Variants in MED1 observed in about 807,000 individuals in gnomAD.
MED1 encodes the protein mediator of RNA polymerase II transcription subunit 1.
In MED1, 17 loss-of-function variants were observed where a neutral mutation model predicts 121.3. The ratio of observed to expected loss-of-function variants is 0.14; its 90% CI spans 0.10 to 0.21. MED1 has a LOEUF of 0.21. Ranked by LOEUF, MED1 falls within the 10% of genes least tolerant of loss-of-function variation. The pLI is 1.00. For missense variants in MED1, 1,558 were observed against 1,919.4 expected (o/e 0.81, Z 3.52); for synonymous variants, 661 against 694.4 (o/e 0.95, Z 0.76).
chr17:39,410,347 G>A lies in MED1; in HGVS notation c.1874C>T (p.Pro625Leu). ...GSTIGSSPTP[P>L]HHTPPPVSSM... is the part of the protein sequence containing the mutation. ...AGAGACAGGTGGCGGCGTGTGATGAGGAGGGGTCGGACTCGAGCCAATGGT... is the reference window on the plus strand; with the variant it reads ...AGAGACAGGTGGCGGCGTGTGATGAAGAGGGGTCGGACTCGAGCCAATGGT... Residue 625 changes from proline to leucine, a missense_variant, in exon 17 of 17, where the codon CCT becomes CTT. Coordinates refer to ENST00000300651, the MANE Select transcript of MED1 (RefSeq NM_004774.4). 1 of 1,614,012 alleles carries A rather than the reference G, an allele frequency of 6.2e-7. No homozygotes were observed. Among genetic ancestry groups the A allele is most frequent in the Non-Finnish European group, 8.5e-7 (1 of 1,180,018 alleles).
intron 9 of MED1, among the ~76,000 whole-genome samples, chr17:39,429,125 T>C (rs2048541556): frequency 6.6e-6 from 1 of 150,486 alleles, no homozygotes; most frequent in Non-Finnish European, 1.5e-5. Flanking sequence ...TTCAAGTCTA[T>C]AGTGAGTTAT....
At chr17:39,431,284 T>G (rs1006278084) in intron 8 of MED1, 96 bp from the exon 9 acceptor site, 6 of 919,744 alleles carry the variant, frequency 6.5e-6, no homozygotes, top group African/African-American at 5.1e-5. Context: ...GTCTTGTCTT[T>G]TTTTTTTTTT....
In MED1 at chr17:39,409,764, G is replaced by A; in HGVS notation, c.2457C>T (p.Thr819=). Residue 819 remains threonine, a synonymous_variant, in exon 17 of 17, where the codon ACC becomes ACT. Transcript: ENST00000300651. ...DSSSSGHSQS[T]LFDSDVFQTN... ...TTTGAAAGACATCAGAGTCAAACAG[G>A]GTACTCTGAGAATGCCCAGAGCTTG... 6.2e-7 allele frequency: 1 copy of A among 1,614,016 alleles called. No homozygotes were observed. The highest frequency in any genetic ancestry group is 1.7e-5 in the Admixed American group (1 of 59,994).
chr17:39,441,111 G>C (rs1343839499), intron 3 of MED1, among the ~76,000 whole-genome samples: 1 of 152,074 alleles, frequency 6.6e-6, no homozygotes, highest in Non-Finnish European at 1.5e-5. Context: ...TATACATAAA[G>C]AGGAGTATTT....
intron 1 of MED1, among the ~76,000 whole-genome samples, 176 bp from the exon 2 acceptor site, chr17:39,448,080 C>A (rs1029507235): frequency 6.6e-6 from 1 of 151,258 alleles, no homozygotes; most frequent in Admixed American, 6.6e-5. Flanking sequence ...AGATGACACA[C>A]AAGTTATGGG....
At chr17:39,429,035 AAAG>A (rs1313941787) in intron 9 of MED1, among the ~76,000 whole-genome samples, 1 of 152,060 alleles carries the variant, frequency 6.6e-6, no homozygotes, top group Non-Finnish European at 1.5e-5. Flanking sequence ...AAAAAAAAAA[AAAG>A]GCCAGGTGAA....
chr17:39,437,487 G>A (rs1305567214), intron 6 of MED1, among the ~76,000 whole-genome samples: 1 of 152,128 alleles, frequency 6.6e-6, no homozygotes, highest in Non-Finnish European at 1.5e-5. Context: ...TAATGAAGAG[G>A]CCAGGGATGC....
Position 39,408,392 on chromosome 17 carries a change from C to T in MED1, c.3829G>A (p.Gly1277Ser), listed in dbSNP as rs1352202642. The change falls in exon 17 of 17, where the codon GGC becomes AGC. Residue 1277 changes from glycine (G) to serine (S), a missense_variant. By Grantham distance (56) the Gly-to-Ser change is moderately conservative. Around this residue, in one of 5 missense-constraint regions of MED1, gnomAD observed 793 missense variants for 898.2 expected, o/e 0.88. Coordinates refer to ENST00000300651, the MANE Select transcript of MED1 (RefSeq NM_004774.4). This position sits in a 1 kb window ranked among gnomAD's most constrained non-coding sequence, Gnocchi z 4.7. ...TTCTGAGAGGATGACATGGAAGAGC[C>T]ACTTGAGGAAAAGGAGGAGGAAGAT... The part of the protein sequence containing the change: ...TASSSSFSSS[G>S]SSMSSSQNQH... The T allele has an allele frequency of 6.8e-6, 11 of 1,614,086 alleles. No homozygotes were observed. Among genetic ancestry groups the T allele is most frequent in the Non-Finnish European group, 8.5e-6 (10 of 1,180,028 alleles).
rs530380864 is a variant in MED1, at chr17:39,435,000, T to C, written c.429-680A>G. On this transcript the variant is annotated intron_variant, in intron 6 of 16. Coordinates refer to ENST00000300651, the MANE Select transcript of MED1 (RefSeq NM_004774.4). Reference sequence around the variant, plus strand: ...CTAGCATGGTGAAACCCCATCTCTATTAAAAATACAAAAAAAAATTAGCCG... The same window carrying C: ...CTAGCATGGTGAAACCCCATCTCTACTAAAAATACAAAAAAAAATTAGCCG... Among the ~76,000 whole-genome samples the C allele has an allele frequency of 5.9e-5, 9 of 151,816 alleles. No homozygotes were observed. In the South Asian group the frequency reaches 1.2e-3, roughly 21 times the overall value.
rs921188379 is a variant in MED1 at position 39,419,580 on chromosome 17, T to C, written c.1297+137A>G. ...GCACCACCACGTGCAGCTAATTTGC[T>C]TGATTTTTATGCCAAATATGAAAAA... On this transcript the variant is annotated intron_variant, in intron 14 of 16. Transcript: ENST00000300651. 9.9e-6 allele frequency: 8 copies of C among 805,414 alleles called. No individual in the cohort carries two copies. The African/African-American group carries it at 1.4e-4, about 14-fold the overall frequency. 49.9% of individuals were successfully genotyped at this position (805,414 alleles called of 1,614,324 possible). A position where few individuals can be genotyped will look rare whatever the true frequency, so the allele number is the denominator to read the frequency against.
In MED1 at chr17:39,435,767, T is replaced by C. The variant is rs559121979; in HGVS notation, c.429-1447A>G. Among the ~76,000 whole-genome samples the C allele has an allele frequency of 3.3e-5, 5 of 152,164 alleles. No individual in the cohort carries two copies. The East Asian group carries it at 9.7e-4, about 29-fold the overall frequency. On this transcript the variant is annotated intron_variant, in intron 6 of 16. Coordinates refer to ENST00000300651, the MANE Select transcript of MED1 (RefSeq NM_004774.4). ...CTGGAGTCCGATGGCGATGGCACGA[T>C]CTCAGCTCACTACAACTTCCACCTC...
Position 39,440,317 on chromosome 17 carries a change from CAATT to C in MED1, c.399+65_399+68del. 6.9e-7 allele frequency: 1 copy of C among 1,455,350 alleles called. No homozygotes were observed. The highest frequency in any genetic ancestry group is 9.1e-7 in the Non-Finnish European group (1 of 1,095,320). The allele number at this position is 1,455,350 out of a possible 1,614,324, so 90.2% of individuals were successfully genotyped here. ...TAAACCCAAGCTATTTAAACCCCAA[CAATT>C]AATTTTAAAATTAATGTCCCTAAGT... On this transcript the variant is annotated intron_variant, in intron 5 of 16. Coordinates refer to ENST00000300651, the MANE Select transcript of MED1 (RefSeq NM_004774.4). This position sits in a 1 kb window ranked among gnomAD's most constrained non-coding sequence, Gnocchi z 4.1.
chr17:39,414,615 G>GT (rs1353615106), intron 16 of MED1, among the ~76,000 whole-genome samples: 1 of 130,544 alleles, frequency 7.7e-6, no homozygotes, highest in African/African-American at 2.8e-5. Context: ...GATTACAGGC[G>GT]TGAGCCACCA....
chr17:39,417,654 T>A lies in MED1; in HGVS notation c.1297+2063A>T, dbSNP rs561920908. ...AAAAAACAAACAAAAAATAAATAAA[T>A]AAAAATAAAAGAGATCTGATTTGCC... On this transcript the variant is annotated intron_variant, in intron 14 of 16. Transcript: ENST00000300651. Among the ~76,000 whole-genome samples the A allele has an allele frequency of 2.6e-5, 4 of 151,178 alleles. No homozygotes were observed. The East Asian group carries it at 7.9e-4, about 30-fold the overall frequency.
At chr17:39,423,638 C>A in intron 12 of MED1, 59 bp downstream of exon 12, 1 of 1,609,706 alleles carries the variant, frequency 6.2e-7, no homozygotes, top group Non-Finnish European at 8.5e-7. Context: ...GATAACCTGA[C>A]TTTGAAGTTT....
Position 39,440,782 on chromosome 17 carries a change from A to AAAT in MED1, c.212-106_212-105insATT. ...TCCTTCCAAAACCGTAAACATATTCAGTAGTTCAAATGCTTGTAATTTACA... is the reference window on the plus strand; with the variant it reads ...TCCTTCCAAAACCGTAAACATATTCAAATGTAGTTCAAATGCTTGTAATTTACA... On this transcript the variant is annotated intron_variant, in intron 3 of 16. Transcript: ENST00000300651. This position sits in a 1 kb window ranked among gnomAD's most constrained non-coding sequence, Gnocchi z 4.1. The AAAT allele has an allele frequency of 4.6e-6, 5 of 1,094,412 alleles. No individual in the cohort carries two copies. The highest frequency in any genetic ancestry group is 6.8e-6 in the Non-Finnish European group (5 of 735,330). The allele number at this position is 1,094,412 out of a possible 1,614,324, so 67.8% of individuals were successfully genotyped here.
At position 39,431,168 on chromosome 17, in the gene MED1, G is replaced by A; in HGVS notation, c.596C>T (p.Pro199Leu). 6.2e-7 allele frequency: 1 copy of A among 1,613,302 alleles called. No individual in the cohort carries two copies. ...IMYWKATNAG[P>L]LDKILHGSVG... ...ACTTCCATGAAGAATCTTATCCAAGGGACCAGCATTAGTTGCTTTCCTGTA... is the reference window on the plus strand; with the variant it reads ...ACTTCCATGAAGAATCTTATCCAAGAGACCAGCATTAGTTGCTTTCCTGTA... The change falls in exon 9 of 17, where the codon CCC (proline) becomes CTC (leucine). Residue 199 changes from proline to leucine, a missense_variant. By Grantham distance (98) the Pro-to-Leu change is moderately conservative (BLOSUM62 -3). Around this residue, in one of 5 missense-constraint regions of MED1, gnomAD observed 443 missense variants for 532.4 expected, o/e 0.83. Coordinates refer to ENST00000300651, the MANE Select transcript of MED1 (RefSeq NM_004774.4).
chr17:39,419,941 G>C, intron 13 of MED1, 23 bp from the exon 14 acceptor site: 1 of 1,604,408 alleles, frequency 6.2e-7, no homozygotes, highest in Non-Finnish European at 8.5e-7. Flanking sequence ...AACAGTTAAC[G>C]AGTGCTATTT....
intron 14 of MED1, among the ~76,000 whole-genome samples, chr17:39,416,616 T>C (rs1452010097): frequency 2.6e-5 from 4 of 152,184 alleles, no homozygotes; most frequent in Admixed American, 6.5e-5. Context: ...TGCCACAACT[T>C]TGAACATATA....
Sources: gnomAD v4.1 joint callset for allele counts (sites outside exome capture counted in the v4.1 genomes callset) on GRCh38, gnomAD v4.1.1 for gene constraint, gnomAD v4.1.1 regional missense constraint, Gnocchi (gnomAD v3.1) non-coding constraint, MANE v1.5 for transcripts, NCBI Gene and HGNC (gene_info 2026-07-23, HGNC 2026-07-21) for gene names.